The following ZFYVE16 variants were observed in gnomAD, a reference collection of about 807,000 sequenced individuals.
ZFYVE16 encodes the protein zinc finger FYVE-type containing 16.
In ZFYVE16, 89 loss-of-function variants were observed where a neutral mutation model predicts 138.1. That is an observed-to-expected ratio of 0.64 (90% CI 0.54 to 0.77). The LOEUF (loss-of-function observed/expected upper bound fraction) is 0.77, where lower values mean the gene tolerates loss of function less well. Among genes scored for constraint, ZFYVE16 ranks in the 30% least tolerant of loss-of-function variants. The pLI is 0.00. For synonymous variants in ZFYVE16, 596 were observed against 618.3 expected (o/e 0.96, Z 0.53); for missense variants, 1,793 against 1,786.7 (o/e 1.00, Z -0.06).
In ZFYVE16 at chr5:80,478,878, T is replaced by TATTC. The variant is rs1255977306; in HGVS notation, c.*1503_*1506dup. 6.6e-6 allele frequency: 1 copy of TATTC among 152,198 alleles called. No homozygotes were observed. Among genetic ancestry groups the TATTC allele is most frequent in the Non-Finnish European group, 1.5e-5 (1 of 68,008 alleles). 9.4% of individuals were successfully genotyped at this position (152,198 alleles called of 1,614,324 possible). ...CCTGAACAATGTAAAGTGTCGCAGATATTCAATAAAATGGCAACCTGTTAT... is the reference window on the plus strand; with the variant it reads ...CCTGAACAATGTAAAGTGTCGCAGATATTCATTCAATAAAATGGCAACCTGTTAT... On this transcript the variant is annotated 3_prime_UTR_variant, in exon 19 of 19. Coordinates refer to ENST00000505560, the MANE Select transcript of ZFYVE16 (RefSeq NM_001284236.3).
In ZFYVE16 at chr5:80,479,389, C is replaced by G. The variant is rs1304551606; in HGVS notation, c.*2012C>G. ...CAAACTTTGTGTGTTCGTATACTTG[C>G]TACATGCAGAGCACTTTACCAGGTT... On this transcript the variant is annotated 3_prime_UTR_variant, in exon 19 of 19. Coordinates refer to ENST00000505560, the MANE Select transcript of ZFYVE16 (RefSeq NM_001284236.3). 9 of 152,136 alleles carry G rather than the reference C, an allele frequency of 5.9e-5. No homozygotes were observed. Among genetic ancestry groups the G allele is most frequent in the Non-Finnish European group, 8.8e-5 (6 of 67,980 alleles). 9.4% of individuals were successfully genotyped at this position (152,136 alleles called of 1,614,324 possible). A position where few individuals can be genotyped will look rare whatever the true frequency, so the allele number is the denominator to read the frequency against.
intron 3 of ZFYVE16, among the ~76,000 whole-genome samples, chr5:80,436,325 T>C (rs1749899563): frequency 6.6e-6 from 1 of 152,188 alleles, no homozygotes; most frequent in African/African-American, 2.4e-5. Context: ...GAAAGCCAAC[T>C]TGAGGAGTCC....
chr5:80,441,525 G>A (rs1003211772), intron 5 of ZFYVE16: 1 of 985,340 alleles, frequency 1.0e-6, no homozygotes, highest in Non-Finnish European at 1.2e-6. Context: ...GAAAATAATA[G>A]AAGTGATCAT....
chr5:80,448,464 C>A, intron 8 of ZFYVE16, 60 bp downstream of exon 8: 1 of 1,349,628 alleles, frequency 7.4e-7, no homozygotes, highest in South Asian at 2.1e-5. Context: ...TGAATTTTAT[C>A]TGTGACATAT....
chr5:80,452,727 A>T (rs1752120297), intron 11 of ZFYVE16, among the ~76,000 whole-genome samples: 1 of 152,180 alleles, frequency 6.6e-6, no homozygotes. Flanking sequence ...GGAAGTACTT[A>T]AAAATTGTGG....
At chr5:80,434,050 C>A in intron 2 of ZFYVE16, 59 bp from the exon 3 acceptor site, 2 of 1,136,060 alleles carry the variant, frequency 1.8e-6, no homozygotes, top group Non-Finnish European at 2.6e-6. Flanking sequence ...GCATGGAATA[C>A]ATGGCATAAA....
intron 9 of ZFYVE16, 83 bp downstream of exon 9, chr5:80,449,796 GC>G: frequency 7.2e-7 from 1 of 1,396,336 alleles, no homozygotes; most frequent in Non-Finnish European, 9.6e-7. Flanking sequence ...ATTTTGACTG[GC>G]CATGGTGAAA....
chr5:80,478,946 G>T lies in ZFYVE16; in HGVS notation c.*1569G>T, dbSNP rs1304308134. Reference sequence around the variant, plus strand: ...GAAATGGTGTAAGATGAAAACAATTGCATATCAAACCCAATTTATGTTTTC... The same window carrying T: ...GAAATGGTGTAAGATGAAAACAATTTCATATCAAACCCAATTTATGTTTTC... On this transcript the variant is annotated 3_prime_UTR_variant, in exon 19 of 19. Transcript: ENST00000505560. 6.6e-6 allele frequency: 1 copy of T among 152,064 alleles called. No individual in the cohort carries two copies. The highest frequency in any genetic ancestry group is 1.5e-5 in the Non-Finnish European group (1 of 67,970). 9.4% of individuals were successfully genotyped at this position (152,064 alleles called of 1,614,324 possible).
At chr5:80,444,128 G>A (rs992676234) in intron 6 of ZFYVE16, among the ~76,000 whole-genome samples, 37 of 152,136 alleles carry the variant, frequency 2.4e-4, no homozygotes, top group African/African-American at 1.9e-4. Context: ...AGAATCATAA[G>A]TATCAGTTAA....
chr5:80,454,243 A>G (rs996256908), intron 11 of ZFYVE16: 4 of 152,198 alleles, frequency 2.6e-5, no homozygotes, highest in African/African-American at 9.7e-5. Flanking sequence ...TTAAGGAAGT[A>G]TATTTGTATA....
chr5:80,434,291 T>G, intron 3 of ZFYVE16, 74 bp downstream of exon 3: 1 of 1,442,946 alleles, frequency 6.9e-7, no homozygotes, highest in Non-Finnish European at 9.6e-7. Context: ...AGGTATACAG[T>G]AATATTAGCA....
At chr5:80,456,687 T>TG in intron 13 of ZFYVE16, 122 bp downstream of exon 13, 1 of 924,500 alleles carries the variant, frequency 1.1e-6, no homozygotes, top group Non-Finnish European at 1.6e-6. Context: ...ACAAACATTG[T>TG]TTTTGAAATG....
intron 15 of ZFYVE16, among the ~76,000 whole-genome samples, chr5:80,470,243 AG>A (rs1754236198): frequency 6.6e-6 from 1 of 151,220 alleles, no homozygotes; most frequent in Non-Finnish European, 1.5e-5. Flanking sequence ...CTGGGACTAC[AG>A]GCACCTACCA....
chr5:80,464,455 C>A (rs925282056), intron 15 of ZFYVE16, among the ~76,000 whole-genome samples: 3 of 152,288 alleles, frequency 2.0e-5, no homozygotes, highest in Admixed American at 1.3e-4. Flanking sequence ...TCAGTTACTT[C>A]CACCTGGTCT....
rs1363386036 is a variant in ZFYVE16, at chr5:80,448,008, T to C, written c.2725-18T>C. The C allele has an allele frequency of 1.9e-6, 3 of 1,539,540 alleles. No individual in the cohort carries two copies. The South Asian group carries it at 3.9e-5, about 20-fold the overall frequency. Reference sequence around the variant, plus strand: ...AATATGAACTGATTTGTTATTTTTTTTATTACATATTTTACAGACAGTAAA... The same window carrying C: ...AATATGAACTGATTTGTTATTTTTTCTATTACATATTTTACAGACAGTAAA... On this transcript the variant is annotated intron_variant, in intron 7 of 18. Transcript: ENST00000505560.
chr5:80,482,236 T>C lies in ZFYVE16; in HGVS notation c.*4859T>C, dbSNP rs553821370. Reference sequence around the variant, plus strand: ...GCTAAAAGTCTCAGCATAGAAGCTATAAAAAGAAACAAGTGGAAATTGTAG... The same window carrying C: ...GCTAAAAGTCTCAGCATAGAAGCTACAAAAAGAAACAAGTGGAAATTGTAG... On this transcript the variant is annotated 3_prime_UTR_variant, in exon 19 of 19. Coordinates refer to ENST00000505560, the MANE Select transcript of ZFYVE16 (RefSeq NM_001284236.3). 6.6e-6 allele frequency: 1 copy of C among 152,224 alleles called. No homozygotes were observed. Among genetic ancestry groups the C allele is most frequent in the East Asian group, 1.9e-4 (1 of 5,180 alleles). The allele number at this position is 152,224 out of a possible 1,614,324, so 9.4% of individuals were successfully genotyped here.
rs138874439 is a variant in ZFYVE16, at chr5:80,417,179, A to G, written c.-94+9026A>G. On this transcript the variant is annotated intron_variant, in intron 1 of 18. Coordinates refer to ENST00000505560, the MANE Select transcript of ZFYVE16 (RefSeq NM_001284236.3). Reference sequence around the variant, plus strand: ...TTCAGAATTGTTAACCTGTACCACCATGGAAAACAACTTTATCAACTAGGG... The same window carrying G: ...TTCAGAATTGTTAACCTGTACCACCGTGGAAAACAACTTTATCAACTAGGG... Among the ~76,000 whole-genome samples, 623 of 152,298 alleles carry G rather than the reference A, an allele frequency of 4.1e-3. 3 individuals carry two copies. The highest frequency in any genetic ancestry group is 0.014 in the African/African-American group (597 of 41,562).
chr5:80,448,190 T>C lies in ZFYVE16; in HGVS notation c.2889T>C (p.Gly963=), dbSNP rs1376030706. ...GAAATGAGGGGTTACCTACTTCTGG[T>C]TCATTTACACTAGATGATGATGTTT... ...NTGNEGLPTS[G]SFTLDDDVFA... is the part of the protein sequence containing the mutation. The change falls in exon 8 of 19, where the codon GGT becomes GGC. Residue 963 remains glycine (G), a synonymous_variant. Coordinates refer to ENST00000505560, the MANE Select transcript of ZFYVE16 (RefSeq NM_001284236.3). The C allele has an allele frequency of 6.2e-7, 1 of 1,613,980 alleles. No homozygotes were observed. The highest frequency in any genetic ancestry group is 8.5e-7 in the Non-Finnish European group (1 of 1,179,944).
At chr5:80,461,120 G>T (rs940869315) in intron 15 of ZFYVE16, among the ~76,000 whole-genome samples, 8 of 152,086 alleles carry the variant, frequency 5.3e-5, no homozygotes, top group Non-Finnish European at 1.0e-4. Context: ...TTTGAGCGCC[G>T]ACATGACACT....
Sources: gnomAD v4.1 joint callset for allele counts (sites outside exome capture counted in the v4.1 genomes callset) on GRCh38, gnomAD v4.1.1 for gene constraint, MANE v1.5 for transcripts, NCBI Gene and HGNC (gene_info 2026-07-23, HGNC 2026-07-21) for gene names.